Variants in KCNMA1 observed in about 807,000 individuals in gnomAD.
KCNMA1 encodes the protein potassium calcium-activated channel subfamily M alpha 1, also known as Calcium-activated potassium channel subunit alpha-1.
In KCNMA1, 29 loss-of-function variants were observed where a neutral mutation model predicts 140.0. The observed-to-expected ratio is 0.21, with a 90% CI of 0.15 to 0.28. The LOEUF is 0.28. KCNMA1 is among the 10% of genes least tolerant of loss of function. The pLI is 1.00. For missense variants in KCNMA1, 880 were observed against 1,602.2 expected (o/e 0.55, Z 7.70); for synonymous variants, 612 against 611.9 (o/e 1.00, Z 0.00).
chr10:77,238,518 G>T (rs1449723749), intron 3 of KCNMA1, among the ~76,000 whole-genome samples: 1 of 152,216 alleles, frequency 6.6e-6, no homozygotes, highest in Non-Finnish European at 1.5e-5. Context: ...GGAGGAAGAG[G>T]TAGGAAGCCC....
At chr10:77,378,824 A>G (rs1465739795) in intron 2 of KCNMA1, among the ~76,000 whole-genome samples, 2 of 152,240 alleles carry the variant, frequency 1.3e-5, no homozygotes, top group Non-Finnish European at 2.9e-5. Flanking sequence ...AAACAAATTT[A>G]TAATCACATG....
intron 1 of KCNMA1, among the ~76,000 whole-genome samples, chr10:77,564,225 T>C (rs1400120161): frequency 6.6e-6 from 1 of 152,182 alleles, no homozygotes; most frequent in Admixed American, 6.5e-5. Context: ...AAAGGCTTCC[T>C]GCAAGAGGAA....
intron 1 of KCNMA1, among the ~76,000 whole-genome samples, chr10:77,543,191 C>T (rs1015638400): frequency 6.6e-6 from 1 of 152,122 alleles, no homozygotes; most frequent in Non-Finnish European, 1.5e-5. Flanking sequence ...GCACATTTAA[C>T]AAAGTCATGC....
At chr10:77,084,995 G>T (rs2096659716) in intron 11 of KCNMA1, among the ~76,000 whole-genome samples, 1 of 152,160 alleles carries the variant, frequency 6.6e-6, no homozygotes, top group South Asian at 2.1e-4. Flanking sequence ...AGGATTTCCA[G>T]ATTTCTTTAA....
At chr10:77,287,110 C>T (rs2071270254) in intron 2 of KCNMA1, among the ~76,000 whole-genome samples, 6 of 152,190 alleles carry the variant, frequency 3.9e-5, no homozygotes, top group Admixed American at 3.9e-4. Context: ...CTCAGCAAAT[C>T]CAAACTCATT....
chr10:76,910,344 A>G, intron 24 of KCNMA1: 1 of 475,256 alleles, frequency 2.1e-6, no homozygotes, highest in Non-Finnish European at 3.9e-6. Flanking sequence ...ACGGCAGGCC[A>G]CTGGAGGACC....
chr10:77,479,571 C>A (rs116181829), intron 1 of KCNMA1, among the ~76,000 whole-genome samples: 67 of 152,228 alleles, frequency 4.4e-4, no homozygotes, highest in African/African-American at 1.5e-3. Flanking sequence ...ATGTGCTATA[C>A]ACATTGTCTC....
intron 18 of KCNMA1, among the ~76,000 whole-genome samples, chr10:77,010,804 T>C (rs1235903934): frequency 2.0e-5 from 3 of 151,910 alleles, no homozygotes; most frequent in Admixed American, 2.0e-4. Flanking sequence ...CTCTTCTGTC[T>C]GGCTTCTGCT....
At chr10:77,289,969 A>G (rs1422443646) in intron 2 of KCNMA1, among the ~76,000 whole-genome samples, 1 of 152,222 alleles carries the variant, frequency 6.6e-6, no homozygotes, top group African/African-American at 2.4e-5. Flanking sequence ...TCCTTATTTG[A>G]CATTCTTGAA....
chr10:77,567,253 A>T (rs2068674307), intron 1 of KCNMA1, among the ~76,000 whole-genome samples: 3 of 152,258 alleles, frequency 2.0e-5, no homozygotes, highest in African/African-American at 7.2e-5. Flanking sequence ...CCCAACCAAG[A>T]TCCATATCTG....
At chr10:77,055,732 T>A (rs1200101516) in intron 14 of KCNMA1, among the ~76,000 whole-genome samples, 1 of 152,106 alleles carries the variant, frequency 6.6e-6, no homozygotes, top group African/African-American at 2.4e-5. Context: ...GTGAACACAA[T>A]CACAGAAAGT....
chr10:77,195,746 C>T (rs769447445), intron 3 of KCNMA1, among the ~76,000 whole-genome samples: 2 of 152,056 alleles, frequency 1.3e-5, no homozygotes, highest in Admixed American at 6.6e-5. Context: ...GTCAGGAGTT[C>T]GAGACCAGCC....
chr10:77,090,041 C>A (rs2096778158), intron 10 of KCNMA1, among the ~76,000 whole-genome samples: 1 of 152,168 alleles, frequency 6.6e-6, no homozygotes, highest in Non-Finnish European at 1.5e-5. Flanking sequence ...CCACACCATA[C>A]AGCTAATCAT....
chr10:77,345,269 C>A (rs1190114344), intron 2 of KCNMA1, among the ~76,000 whole-genome samples: 2 of 152,196 alleles, frequency 1.3e-5, no homozygotes, highest in Non-Finnish European at 2.9e-5. Flanking sequence ...TCTCTTCACA[C>A]ATTATTCAGT....
rs79694589 is a variant in KCNMA1, at chr10:77,015,808, A to G, written c.2015+3205T>C. On this transcript the variant is annotated intron_variant, in intron 17 of 27. Transcript: ENST00000286628. ...CCCAATTCATTGGGGGGTTCTGCACACTCTCCCAAATACAGTCTGAATGGG... is the reference window on the plus strand; with the variant it reads ...CCCAATTCATTGGGGGGTTCTGCACGCTCTCCCAAATACAGTCTGAATGGG... Among the ~76,000 whole-genome samples the G allele has an allele frequency of 1.7e-3, 264 of 151,310 alleles. 4 individuals carry two copies. The East Asian group carries it at 0.047, about 27-fold the overall frequency.
intron 1 of KCNMA1, among the ~76,000 whole-genome samples, chr10:77,509,263 T>G (rs1280171404): frequency 6.6e-6 from 1 of 151,964 alleles, no homozygotes; most frequent in Non-Finnish European, 1.5e-5. Context: ...GGATTACAGG[T>G]GCACACCACC....
At chr10:77,590,505 C>G (rs549158510) in intron 1 of KCNMA1, among the ~76,000 whole-genome samples, 1 of 152,364 alleles carries the variant, frequency 6.6e-6, no homozygotes, top group East Asian at 1.9e-4. Context: ...TGAGCCCACA[C>G]CCACCCGGAA....
chr10:77,362,174 C>T (rs1004778445), intron 2 of KCNMA1, among the ~76,000 whole-genome samples: 2 of 152,192 alleles, frequency 1.3e-5, no homozygotes, highest in South Asian at 4.1e-4. Context: ...GGCAGCCACA[C>T]TGCCCCTGCA....
intron 3 of KCNMA1, among the ~76,000 whole-genome samples, chr10:77,193,356 T>C (rs1235532229): frequency 1.3e-5 from 2 of 152,196 alleles, no homozygotes; most frequent in Non-Finnish European, 2.9e-5. Flanking sequence ...AGCTACTACA[T>C]AAAACAGAGT....
Sources: gnomAD v4.1 joint callset for allele counts (sites outside exome capture counted in the v4.1 genomes callset) on GRCh38, gnomAD v4.1.1 for gene constraint, MANE v1.5 for transcripts, NCBI Gene and HGNC (gene_info 2026-07-23, HGNC 2026-07-21) for gene names.